NRDE2: variants seen among roughly 807,000 people sequenced by gnomAD.
NRDE2 encodes nuclear exosome regulator NRDE2.
A neutral mutation model predicts 124.2 loss-of-function variants in NRDE2; 76 were observed. The ratio of observed to expected loss-of-function variants is 0.61; its 90% CI spans 0.51 to 0.74. The LOEUF is 0.74. NRDE2 is among the 30% of genes least tolerant of loss of function. The pLI is 0.00. For synonymous variants in NRDE2, 489 were observed against 528.1 expected, an observed-to-expected ratio of 0.93 and a Z score of 1.01; for missense variants, 1,314 against 1,417.3, an observed-to-expected ratio of 0.93 and a Z score of 1.17.
chr14:90,274,868 T>G lies in NRDE2; in HGVS notation c.*3468A>C. 1 of 149,416 alleles carries G rather than the reference T, an allele frequency of 6.7e-6. No homozygotes were observed. Among genetic ancestry groups the G allele is most frequent in the Admixed American group, 6.7e-5 (1 of 14,890 alleles). The allele number at this position is 149,416 out of a possible 1,614,324, so 9.3% of individuals were successfully genotyped here. Reference sequence around the variant, plus strand: ...AATACATATGAATTGATCTGAAAGTTTGCTGAGGAAGGGGTATTTACAGAT... The same window carrying G: ...AATACATATGAATTGATCTGAAAGTGTGCTGAGGAAGGGGTATTTACAGAT... On this transcript the variant is annotated 3_prime_UTR_variant, in exon 14 of 14. Coordinates refer to ENST00000354366, the MANE Select transcript of NRDE2 (RefSeq NM_017970.4).
intron 9 of NRDE2, among the ~76,000 whole-genome samples, chr14:90,290,864 G>A (rs1018641640): frequency 3.9e-5 from 6 of 152,150 alleles, no homozygotes; most frequent in African/African-American, 1.4e-4. Flanking sequence ...GAGGAGAGAA[G>A]CCATGAACGG....
intron 6 of NRDE2, chr14:90,301,866 C>T (rs1364984531): frequency 6.6e-6 from 3 of 455,336 alleles, no homozygotes; most frequent in African/African-American, 4.0e-5. Flanking sequence ...GGTACAATTC[C>T]AGCTACTAAA....
intron 7 of NRDE2, 30 bp downstream of exon 7, chr14:90,301,207 AAG>A: frequency 6.2e-7 from 1 of 1,608,666 alleles, no homozygotes; most frequent in Non-Finnish European, 8.5e-7. Context: ...AAGAGCCAGG[AAG>A]AGAGAGATGA....
At chr14:90,308,097 T>C (rs1884684035) in intron 4 of NRDE2, among the ~76,000 whole-genome samples, 1 of 152,122 alleles carries the variant, frequency 6.6e-6, no homozygotes, top group South Asian at 2.1e-4. Context: ...ATAGTAAGGG[T>C]TAGATAAGTT....
In NRDE2 at chr14:90,276,633, C is replaced by T. The variant is rs988382722; in HGVS notation, c.*1703G>A. 6.6e-6 allele frequency: 1 copy of T among 152,140 alleles called. No homozygotes were observed. Among genetic ancestry groups the T allele is most frequent in the Non-Finnish European group, 1.5e-5 (1 of 68,050 alleles). The allele number at this position is 152,140 out of a possible 1,614,324, so 9.4% of individuals were successfully genotyped here. Reference sequence around the variant, plus strand: ...CTCCTCCCATGCAGCAAGTAATGTGCTCGCAATCTGTTCGAGCAGCCGCTT... The same window carrying T: ...CTCCTCCCATGCAGCAAGTAATGTGTTCGCAATCTGTTCGAGCAGCCGCTT... On this transcript the variant is annotated 3_prime_UTR_variant, in exon 14 of 14. Transcript: ENST00000354366.
rs541264080 is a variant in NRDE2, at chr14:90,273,335, G to T, written c.*5001C>A. The T allele has an allele frequency of 6.6e-6, 1 of 152,148 alleles. No homozygotes were observed. The highest frequency in any genetic ancestry group is 6.6e-5 in the Admixed American group (1 of 15,264). The allele number at this position is 152,148 out of a possible 1,614,324, so 9.4% of individuals were successfully genotyped here. ...AGCACTTTGGGAAGCTGAGGCAGGC[G>T]GATCACAAGGTCAGAAGTTTGAGGC... On this transcript the variant is annotated 3_prime_UTR_variant, in exon 14 of 14. Transcript: ENST00000354366.
At chr14:90,300,492 A>G (rs1490726540) in intron 7 of NRDE2, among the ~76,000 whole-genome samples, 1 of 152,110 alleles carries the variant, frequency 6.6e-6, no homozygotes, top group Non-Finnish European at 1.5e-5. Flanking sequence ...ATCTTTACAG[A>G]GTAGAAAACT....
chr14:90,329,430 T>G (rs1290710110), intron 1 of NRDE2, among the ~76,000 whole-genome samples: 1 of 152,198 alleles, frequency 6.6e-6, no homozygotes, highest in African/African-American at 2.4e-5. Context: ...CTAGGCACAG[T>G]GGCTCACGCC....
chr14:90,278,847 T>C, intron 13 of NRDE2: 1 of 614,268 alleles, frequency 1.6e-6, no homozygotes, highest in Non-Finnish European at 3.0e-6. Flanking sequence ...ACGGCAACAC[T>C]TCCATGAAGC....
chr14:90,327,159 C>T (rs1326398112), intron 1 of NRDE2, among the ~76,000 whole-genome samples: 1 of 152,114 alleles, frequency 6.6e-6, no homozygotes, highest in Non-Finnish European at 1.5e-5. Context: ...ACCAGGATTC[C>T]CTGGAGAAAT....
In NRDE2 at chr14:90,312,484, T is replaced by A. The variant is rs1884881386; in HGVS notation, c.467A>T (p.Gln156Leu). Residue 156 changes from glutamine to leucine, a missense_variant, in exon 4 of 14, where the codon CAG (glutamine) becomes CTG (leucine). By Grantham distance (113) the Gln-to-Leu change is moderately radical. Transcript: ENST00000354366. ...GHRFVWLEDI[Q>L]AVTGETFRTD... ...TCTGAAGGTTTCTCCCGTCACAGCC[T>A]GAATGTCCTCAAGCCAAACAAAGCG... 1.2e-6 allele frequency: 2 copies of A among 1,614,008 alleles called. No individual in the cohort carries two copies. Among genetic ancestry groups the A allele is most frequent in the Non-Finnish European group, 1.7e-6 (2 of 1,179,982 alleles).
rs1489442716 is a variant in NRDE2, at chr14:90,303,125, C to A, written c.1006G>T (p.Asp336Tyr). The A allele has an allele frequency of 1.2e-6, 2 of 1,604,290 alleles. No individual in the cohort carries two copies. Among genetic ancestry groups the A allele is most frequent in the African/African-American group, 1.3e-5 (1 of 74,416 alleles). ...AGGCCAGGACTTTTCATGACCTCGT[C>A]CTCAACAACAAAAACACCAATTTAC... ...QLWMAFVAFQ[D>Y]EVMKSPGLYA... is the part of the protein sequence containing the mutation. Residue 336 changes from aspartate (D) to tyrosine (Y), a missense_variant and splice_region_variant, in exon 6 of 14, where the codon GAC (aspartate) becomes TAC (tyrosine). Asp to Tyr is a radical substitution (Grantham distance 160). Coordinates refer to ENST00000354366, the MANE Select transcript of NRDE2 (RefSeq NM_017970.4).
chr14:90,317,761 C>G (rs1885097411), intron 2 of NRDE2: 1 of 365,928 alleles, frequency 2.7e-6, no homozygotes, highest in Non-Finnish European at 4.9e-6. Flanking sequence ...TCGAGAATCA[C>G]AATGATGCCA....
Position 90,269,479 on chromosome 14 carries a change from A to C in NRDE2, c.*8857T>G, listed in dbSNP as rs771089758. ...GAACCAGTTGGATGGATTTGATTCT[A>C]GGGGAGATGTGAAAGTTATCATGGC... is the stretch of plus-strand genomic sequence containing the variant. On this transcript the variant is annotated 3_prime_UTR_variant, in exon 14 of 14. Coordinates refer to ENST00000354366, the MANE Select transcript of NRDE2 (RefSeq NM_017970.4). 7 of 1,613,512 alleles carry C rather than the reference A, an allele frequency of 4.3e-6. No individual in the cohort carries two copies. The East Asian group carries it at 1.3e-4, about 31-fold the overall frequency.
Position 90,279,101 on chromosome 14 carries a change from A to C in NRDE2, c.3330T>G (p.Gly1110=). 6.2e-7 allele frequency: 1 copy of C among 1,612,706 alleles called. No homozygotes were observed. The highest frequency in any genetic ancestry group is 8.5e-7 in the Non-Finnish European group (1 of 1,178,588). The change falls in exon 13 of 14, where the codon GGT becomes GGG. Residue 1110 remains glycine (G), a synonymous_variant. Coordinates refer to ENST00000354366, the MANE Select transcript of NRDE2 (RefSeq NM_017970.4). ...VSLGNKERSK[G]VFYKALQNCP... ...AATTCTGAAGTGCTTTGTAGAATAC[A>C]CCTTTGCTTCTTTCTTTATTTCCTA...
rs73316775 is a variant in NRDE2, at chr14:90,274,600, G to T, written c.*3736C>A. On this transcript the variant is annotated 3_prime_UTR_variant, in exon 14 of 14. Coordinates refer to ENST00000354366, the MANE Select transcript of NRDE2 (RefSeq NM_017970.4). The stretch of plus-strand genomic sequence containing the variant: ...CTGATTCCGGGGCTAGGCAGGGAAA[G>T]GACAGGATGAACCCAAAGTCTGTTT... 0.13 allele frequency: 20,074 copies of T among 152,232 alleles called. 1,534 individuals are homozygous for T. The highest frequency in any genetic ancestry group is 0.21 in the East Asian group (1,092 of 5,166). 9.4% of individuals were successfully genotyped at this position (152,232 alleles called of 1,614,324 possible).
At chr14:90,326,212 A>C (rs1227249129) in intron 1 of NRDE2, among the ~76,000 whole-genome samples, 1 of 152,132 alleles carries the variant, frequency 6.6e-6, no homozygotes, top group African/African-American at 2.4e-5. Context: ...AAAGAGAGGG[A>C]GGCCGGGCGC....
Position 90,279,058 on chromosome 14 carries a change from T to C in NRDE2, c.3369+4A>G. 6.2e-7 allele frequency: 1 copy of C among 1,605,650 alleles called. No homozygotes were observed. The highest frequency in any genetic ancestry group is 8.5e-7 in the Non-Finnish European group (1 of 1,172,136). On this transcript the variant is annotated splice_donor_region_variant and intron_variant, in intron 13 of 13. Coordinates refer to ENST00000354366, the MANE Select transcript of NRDE2 (RefSeq NM_017970.4). The stretch of plus-strand genomic sequence containing the variant: ...CTGAAGACACCATGGCCTTTAACAC[T>C]TACCTTTGCCCAAGGGCAATTCTGA...
rs1481085301 is a variant in NRDE2, at chr14:90,275,559, G to GC, written c.*2776dup. On this transcript the variant is annotated 3_prime_UTR_variant, in exon 14 of 14. Coordinates refer to ENST00000354366, the MANE Select transcript of NRDE2 (RefSeq NM_017970.4). ...AGGGCCTAGAGTGTCAGGGTAGCGG[G>GC]CTGAACTGCGCCCCACCCCAGCTGC... is the stretch of plus-strand genomic sequence containing the variant. 15 of 152,188 alleles carry GC rather than the reference G, an allele frequency of 9.9e-5. No homozygotes were observed. The highest frequency in any genetic ancestry group is 3.6e-4 in the African/African-American group (15 of 41,454). The allele number at this position is 152,188 out of a possible 1,614,324, so 9.4% of individuals were successfully genotyped here.
Sources: gnomAD v4.1 joint callset for allele counts (sites outside exome capture counted in the v4.1 genomes callset) on GRCh38, gnomAD v4.1.1 for gene constraint, MANE v1.5 for transcripts, NCBI Gene and HGNC (gene_info 2026-07-23, HGNC 2026-07-21) for gene names.